The following GPHN variants were observed in gnomAD, a reference collection of about 807,000 sequenced individuals.
GPHN encodes the protein gephyrin.
A neutral mutation model predicts 95.5 loss-of-function variants in GPHN; 17 were observed. The ratio of observed to expected loss-of-function variants is 0.18; its 90% CI spans 0.12 to 0.27. The LOEUF is 0.27. Among genes scored for constraint, GPHN ranks in the 10% least tolerant of loss-of-function variants. The pLI is 1.00. For missense variants in GPHN, 660 were observed against 978.1 expected, an observed-to-expected ratio of 0.67 and a Z score of 4.34; for synonymous variants, 320 against 322.5, an observed-to-expected ratio of 0.99 and a Z score of 0.08.
chr14:67,504,603 T>C, the GPHN span, among the ~76,000 whole-genome samples: 1 of 152,098 alleles, frequency 6.6e-6, no homozygotes, highest in Non-Finnish European at 1.5e-5. Context: ...TAAAAAACAA[T>C]AGGCCATGTG....
At chr14:67,291,678 T>C in the GPHN span, among the ~76,000 whole-genome samples, 1 of 152,230 alleles carries the variant, frequency 6.6e-6, no homozygotes, top group Non-Finnish European at 1.5e-5. Context: ...CACATACATA[T>C]GCCCACAACT....
At chr14:66,923,220 G>A (rs2066308495) in intron 7 of GPHN, among the ~76,000 whole-genome samples, 1 of 152,080 alleles carries the variant, frequency 6.6e-6, no homozygotes, top group Non-Finnish European at 1.5e-5. Flanking sequence ...AGAACTCTTT[G>A]GAGATGTCAT....
At chr14:66,981,372 TATA>T (rs951370490) in intron 9 of GPHN, among the ~76,000 whole-genome samples, 2 of 152,150 alleles carry the variant, frequency 1.3e-5, no homozygotes, top group African/African-American at 4.8e-5. Flanking sequence ...GGCTGAATAA[TATA>T]ATATTATAGT....
chr14:67,226,129 G>A, the GPHN span, among the ~76,000 whole-genome samples: 1 of 152,178 alleles, frequency 6.6e-6, no homozygotes, highest in African/African-American at 2.4e-5. Context: ...CCACCCTTCT[G>A]TCACTCTGCC....
At chr14:67,331,444 G>A in the GPHN span, among the ~76,000 whole-genome samples, 27 of 151,358 alleles carry the variant, frequency 1.8e-4, no homozygotes, top group Non-Finnish European at 3.0e-4. Flanking sequence ...AGAAAATGAT[G>A]GCGTTACAAA....
intron 8 of GPHN, among the ~76,000 whole-genome samples, chr14:66,942,513 C>A (rs1336182041): frequency 6.6e-6 from 1 of 152,128 alleles, no homozygotes; most frequent in Non-Finnish European, 1.5e-5. Context: ...GTCTGAATAA[C>A]AAAATGTCCA....
chr14:67,624,937 T>A, the GPHN span, among the ~76,000 whole-genome samples: 1 of 152,234 alleles, frequency 6.6e-6, no homozygotes, highest in Admixed American at 6.5e-5. Context: ...GGACAACCGA[T>A]AGCCTGCAAT....
intron 8 of GPHN, among the ~76,000 whole-genome samples, chr14:66,949,505 GGAAA>G (rs2067964773): frequency 6.6e-6 from 1 of 152,126 alleles, no homozygotes; most frequent in African/African-American, 2.4e-5. Context: ...AAGAGAAGTT[GGAAA>G]GAAAGGGTGC....
the GPHN span, among the ~76,000 whole-genome samples, chr14:67,544,524 C>T: frequency 6.6e-6 from 1 of 152,064 alleles, no homozygotes. Context: ...TATCCACAGA[C>T]ACAAAAAACA....
the GPHN span, chr14:67,332,809 G>A: frequency 1.9e-6 from 3 of 1,613,186 alleles, no homozygotes; most frequent in Admixed American, 3.3e-5. Context: ...TCATTGAGAA[G>A]ACAAGAGAGA....
chr14:66,950,940 T>C (rs907172004), intron 8 of GPHN, among the ~76,000 whole-genome samples: 50 of 152,082 alleles, frequency 3.3e-4, no homozygotes, highest in African/African-American at 1.1e-3. Flanking sequence ...TTTGTTTGTT[T>C]TGAGACGGAG....
chr14:67,373,831 T>A, the GPHN span, among the ~76,000 whole-genome samples: 1 of 141,842 alleles, frequency 7.1e-6, no homozygotes, highest in Non-Finnish European at 1.5e-5. Context: ...TTAGATAGTT[T>A]TAATTTGTTC....
At chr14:66,832,883 T>C (rs112853790) in intron 4 of GPHN, among the ~76,000 whole-genome samples, 2,381 of 152,276 alleles carry the variant, frequency 0.016, 33 homozygotes, top group Non-Finnish European at 0.018. Context: ...GAATGGGATT[T>C]AGGTTTTGAA....
At chr14:67,383,986 G>A in the GPHN span, 4 of 158,718 alleles carry the variant, frequency 2.5e-5, no homozygotes, top group Admixed American at 2.5e-4. Flanking sequence ...CTCTATAACA[G>A]ATCCTTTCAA....
chr14:66,678,975 G>T (rs1368379898), intron 1 of GPHN, among the ~76,000 whole-genome samples: 2 of 152,214 alleles, frequency 1.3e-5, no homozygotes, highest in Non-Finnish European at 2.9e-5. Context: ...ACAGGCACTG[G>T]CAGTGTTAGC....
the GPHN span, chr14:67,686,245 C>A: frequency 6.6e-6 from 1 of 152,218 alleles, no homozygotes; most frequent in Non-Finnish European, 1.5e-5. Flanking sequence ...TTTTGTGACT[C>A]ATTTCTTCAT....
At chr14:66,730,755 G>C (rs1287246169) in intron 2 of GPHN, among the ~76,000 whole-genome samples, 1 of 152,134 alleles carries the variant, frequency 6.6e-6, no homozygotes, top group Non-Finnish European at 1.5e-5. Flanking sequence ...ATATTTAATG[G>C]TTTAATTTTG....
At chr14:67,707,050 G>A in the GPHN span, among the ~76,000 whole-genome samples, 8 of 152,126 alleles carry the variant, frequency 5.3e-5, no homozygotes, top group African/African-American at 7.2e-5. Flanking sequence ...GTATGAAAGC[G>A]GTTTATGTAT....
At chr14:67,294,100 A>G in the GPHN span, among the ~76,000 whole-genome samples, 1 of 152,214 alleles carries the variant, frequency 6.6e-6, no homozygotes, top group Admixed American at 6.5e-5. Context: ...TCAATTTTGA[A>G]TATTAGTTTT....
Sources: gnomAD v4.1 joint callset for allele counts (sites outside exome capture counted in the v4.1 genomes callset) on GRCh38, gnomAD v4.1.1 for gene constraint, MANE v1.5 for transcripts, NCBI Gene and HGNC (gene_info 2026-07-23, HGNC 2026-07-21) for gene names.